Variants in NSD1 observed in about 807,000 individuals in gnomAD.
NSD1 encodes nuclear receptor binding SET domain protein 1, also known as histone-lysine N-methyltransferase, H3 lysine-36 specific.
A neutral mutation model predicts 242.7 loss-of-function variants in NSD1; 26 were observed. That is an observed-to-expected ratio of 0.11 (90% confidence interval 0.08 to 0.15). The LOEUF is 0.15. Ranked by LOEUF, NSD1 falls within the 10% of genes least tolerant of loss-of-function variation. NSD1 has a pLI of 1.00. For synonymous variants in NSD1, 1,106 were observed against 1,178.1 expected (o/e 0.94, Z 1.25); for missense variants, 2,495 against 3,272.8 (o/e 0.76, Z 5.80).
rs61538775 is a variant in NSD1, at chr5:177,264,028, A to ATTTTTTTTTTTTT, written c.5147-3520_5147-3508dup. ...AAGATGCATATGACTCAATGAACCAATTTTTTTTTTTTTTTTTTTTTTTTT... is the reference window on the plus strand; with the variant it reads ...AAGATGCATATGACTCAATGAACCAATTTTTTTTTTTTTTTTTTTTTTTTTTTTTTTTTTTTTT... On this transcript the variant is annotated intron_variant, in intron 14 of 22. Transcript: ENST00000439151. Among the ~76,000 whole-genome samples, 547 of 76,366 alleles carry ATTTTTTTTTTTTT rather than the reference A, an allele frequency of 7.2e-3. 97 individuals carry two copies. The highest frequency in any genetic ancestry group is 8.8e-3 in the African/African-American group (171 of 19,502). 50.1% of individuals were successfully genotyped at this position (76,366 alleles called of 152,430 possible).
chr5:177,159,981 C>T (rs1043363603), intron 2 of NSD1, among the ~76,000 whole-genome samples: 2 of 152,236 alleles, frequency 1.3e-5, no homozygotes, highest in Non-Finnish European at 2.9e-5. Context: ...CCTCTGCCTC[C>T]CTGGCTCAAG....
At chr5:177,200,630 A>G (rs139275579) in intron 3 of NSD1, among the ~76,000 whole-genome samples, 180 of 152,276 alleles carry the variant, frequency 1.2e-3, no homozygotes, top group African/African-American at 4.2e-3. Flanking sequence ...ACTATTTTAG[A>G]TACCACATAT....
Position 177,143,572 on chromosome 5 carries a change from A to G in NSD1, c.927+7542A>G, listed in dbSNP as rs1756992424. On this transcript the variant is annotated intron_variant, in intron 2 of 22. Coordinates refer to ENST00000439151, the MANE Select transcript of NSD1 (RefSeq NM_022455.5). ...CCTGACCTTATGGTCCGCCTGCCTC[A>G]GCCTCCCAAAGTGCTGGGATTACAG... Among the ~76,000 whole-genome samples, 4 of 152,030 alleles carry G rather than the reference A, an allele frequency of 2.6e-5. No homozygotes were observed. In the South Asian group the frequency reaches 8.3e-4, roughly 32 times the overall value.
At chr5:177,159,772 G>A (rs1462332696) in intron 2 of NSD1, among the ~76,000 whole-genome samples, 1 of 151,540 alleles carries the variant, frequency 6.6e-6, no homozygotes, top group East Asian at 1.9e-4. Flanking sequence ...TTGTATTTTT[G>A]TTAGAGATGG....
chr5:177,132,540 G>C (rs1033135819), upstream of NSD1, among the ~76,000 whole-genome samples: 3 of 151,898 alleles, frequency 2.0e-5, no homozygotes, highest in East Asian at 3.9e-4. The surrounding 1 kb of genome is among the most constrained non-coding windows in gnomAD (Gnocchi z 7.5). Flanking sequence ...CTGGGCTCGG[G>C]GGTGGTGAGG....
intron 11 of NSD1, among the ~76,000 whole-genome samples, chr5:177,249,858 G>A (rs1237840652): frequency 6.6e-6 from 1 of 152,170 alleles, no homozygotes; most frequent in Non-Finnish European, 1.5e-5. Flanking sequence ...AGGCTGAGGT[G>A]GGTGGATCAT....
intron 14 of NSD1, among the ~76,000 whole-genome samples, chr5:177,263,138 T>G (rs1757125654): frequency 6.6e-6 from 1 of 152,228 alleles, no homozygotes; most frequent in Non-Finnish European, 1.5e-5. Context: ...TAGGCACATG[T>G]TGCCAGGATC....
intron 20 of NSD1, among the ~76,000 whole-genome samples, chr5:177,288,334 C>T (rs1028777998): frequency 1.3e-5 from 2 of 152,146 alleles, no homozygotes; most frequent in African/African-American, 4.8e-5. Flanking sequence ...AAGTCTGTGA[C>T]GTAGCTGGAT....
Position 177,212,109 on chromosome 5 carries a change from G to C in NSD1, c.3710G>C (p.Cys1237Ser). 6.2e-7 allele frequency: 1 copy of C among 1,614,066 alleles called. No homozygotes were observed. The highest frequency in any genetic ancestry group is 8.5e-7 in the Non-Finnish European group (1 of 1,180,036). Residue 1237 changes from cysteine (C) to serine (S), a missense_variant, in exon 5 of 23, where the codon TGT becomes TCT. This residue lies in a region of NSD1 where 426 missense variants were observed against 411.4 expected (regional missense o/e 1.04). Coordinates refer to ENST00000439151, the MANE Select transcript of NSD1 (RefSeq NM_022455.5). ...LDSAGPRLNVCDKSSASIGDM... is the reference protein window; with the variant it reads ...LDSAGPRLNVSDKSSASIGDM... ...TCAGCTGGGCCACGGTTAAATGTTTGTGATAAATCCAGTGCCAGCATTGGT... is the reference window on the plus strand; with the variant it reads ...TCAGCTGGGCCACGGTTAAATGTTTCTGATAAATCCAGTGCCAGCATTGGT...
intron 14 of NSD1, 135 bp from the exon 15 acceptor site, chr5:177,267,427 G>C (rs909102922): frequency 3.9e-6 from 3 of 767,288 alleles, no homozygotes; most frequent in Non-Finnish European, 6.6e-6. Flanking sequence ...TGGTCATTAT[G>C]TGTCACTGAT....
rs897708151 is a variant in NSD1 at position 177,217,762 on chromosome 5, C to T, written c.3796+5567C>T. On this transcript the variant is annotated intron_variant, in intron 5 of 22. Coordinates refer to ENST00000439151, the MANE Select transcript of NSD1 (RefSeq NM_022455.5). Reference sequence around the variant, plus strand: ...GGCTCACTGCAACCTCCACCTCCCTCGTTCAAGCCATTCTCCTGCCTCAGG... The same window carrying T: ...GGCTCACTGCAACCTCCACCTCCCTTGTTCAAGCCATTCTCCTGCCTCAGG... Among the ~76,000 whole-genome samples, 5 of 149,786 alleles carry T rather than the reference C, an allele frequency of 3.3e-5. No homozygotes were observed. The East Asian group carries it at 5.9e-4, about 18-fold the overall frequency.
chr5:177,239,482 G>C (rs1765691975), intron 7 of NSD1, among the ~76,000 whole-genome samples: 1 of 152,214 alleles, frequency 6.6e-6, no homozygotes, highest in South Asian at 2.1e-4. Context: ...TATAAAGGCA[G>C]TTCCGTCCTT....
chr5:177,190,717 T>C (rs1281052354), intron 2 of NSD1, among the ~76,000 whole-genome samples: 1 of 151,204 alleles, frequency 6.6e-6, no homozygotes. Flanking sequence ...TCTCCCAGGC[T>C]GGAGTGCAGT....
intron 2 of NSD1, among the ~76,000 whole-genome samples, chr5:177,138,319 G>A (rs921200384): frequency 2.6e-5 from 4 of 151,962 alleles, no homozygotes; most frequent in South Asian, 4.2e-4. Flanking sequence ...GTAGTGGCGC[G>A]ATCTCAGCTC....
At chr5:177,267,467 A>G in intron 14 of NSD1, 95 bp from the exon 15 acceptor site, 1 of 1,040,388 alleles carries the variant, frequency 9.6e-7, no homozygotes. Flanking sequence ...TCTTTTAGTG[A>G]AGAGAAAGAA....
At position 177,211,917 on chromosome 5, in the gene NSD1, G is replaced by A. The variant is rs770929380; in HGVS notation, c.3518G>A (p.Arg1173His). ...LNQRRTKPRK[R>H]MNRFKEKENS... ...CAAAGGCGCACTAAACCTCGTAAGCGCATGAACAGATTTAAAGAGAAAGAA... is the reference window on the plus strand; with the variant it reads ...CAAAGGCGCACTAAACCTCGTAAGCACATGAACAGATTTAAAGAGAAAGAA... Residue 1173 changes from arginine (R) to histidine (H), a missense_variant, in exon 5 of 23, where the codon CGC becomes CAC. Arg to His is a conservative substitution (Grantham distance 29). Around this residue, in one of 19 missense-constraint regions of NSD1, gnomAD observed 426 missense variants for 411.4 expected, o/e 1.04. Coordinates refer to ENST00000439151, the MANE Select transcript of NSD1 (RefSeq NM_022455.5). The A allele has an allele frequency of 2.5e-6, 4 of 1,606,606 alleles. No homozygotes were observed. Among genetic ancestry groups the A allele is most frequent in the African/African-American group, 1.3e-5 (1 of 74,384 alleles).
intron 14 of NSD1, chr5:177,266,517 C>G: frequency 3.2e-6 from 2 of 631,612 alleles, no homozygotes; most frequent in Admixed American, 4.7e-5. Context: ...CCTCGACGTT[C>G]GGCTTCTCGC....
At chr5:177,247,322 C>T (rs1467169970) in intron 10 of NSD1, among the ~76,000 whole-genome samples, 5 of 152,062 alleles carry the variant, frequency 3.3e-5, no homozygotes, top group East Asian at 1.9e-4. Context: ...TCCAGCTAAT[C>T]GGGCAGAGGC....
chr5:177,277,886 G>A (rs1415012040), intron 17 of NSD1, among the ~76,000 whole-genome samples: 1 of 152,156 alleles, frequency 6.6e-6, no homozygotes, highest in East Asian at 1.9e-4. Flanking sequence ...AAAAGAAGTA[G>A]CATGAACCTT....
Sources: allele counts gnomAD v4.1 joint callset (sites outside exome capture counted in the v4.1 genomes callset), GRCh38; gene constraint gnomAD v4.1.1; regional missense constraint gnomAD v4.1.1; non-coding constraint Gnocchi (gnomAD v3.1); transcripts MANE v1.5; gene names NCBI Gene and HGNC (gene_info 2026-07-23, HGNC 2026-07-21).